Variants in REV1 observed in about 807,000 individuals in gnomAD.
REV1 encodes REV1 DNA directed polymerase, also known as translesion synthesis protein REV1.
A neutral mutation model predicts 137.4 loss-of-function variants in REV1; 42 were observed. The ratio of observed to expected loss-of-function variants is 0.31; its 90% confidence interval spans 0.24 to 0.40. The LOEUF is 0.40. Among genes scored for constraint, REV1 ranks in the 10% least tolerant of loss-of-function variants. The pLI is 1.00. For synonymous variants in REV1, 524 were observed against 519.2 expected (o/e 1.01, Z -0.12); for missense variants, 1,282 against 1,490.1 (o/e 0.86, Z 2.30).
intron 13 of REV1, 113 bp from the exon 14 acceptor site, chr2:99,410,980 C>T (rs776071694): frequency 3.0e-6 from 3 of 994,320 alleles, no homozygotes; most frequent in South Asian, 1.9e-5. Flanking sequence ...CACTATCACG[C>T]TCAGCATCTA....
chr2:99,403,361 G>T lies in REV1; in HGVS notation c.3167-255C>A, dbSNP rs28382970. The T allele has an allele frequency of 8.9e-5, 50 of 558,878 alleles. No individual in the cohort carries two copies. The East Asian group carries it at 1.5e-3, about 16-fold the overall frequency. The allele number at this position is 558,878 out of a possible 1,614,324, so 34.6% of individuals were successfully genotyped here. A position where few individuals can be genotyped will look rare whatever the true frequency, so the allele number is the denominator to read the frequency against. On this transcript the variant is annotated intron_variant, in intron 19 of 22. Transcript: ENST00000258428. ...GATGGGTAGTACTAAATGTGGGTTT[G>T]ATGTTTGTGATGCATTTTGAACCAA...
At chr2:99,429,765 T>A in intron 9 of REV1, 75 bp downstream of exon 9, 1 of 787,176 alleles carries the variant, frequency 1.3e-6, no homozygotes, top group Non-Finnish European at 1.8e-6. Context: ...TTCAAAAGAT[T>A]ATAGTTCAAG....
At chr2:99,483,927 C>T (rs1327663898) in intron 1 of REV1, among the ~76,000 whole-genome samples, 1 of 152,036 alleles carries the variant, frequency 6.6e-6, no homozygotes, top group East Asian at 1.9e-4. Context: ...TCTTCCTACC[C>T]CTGACATTCT....
At chr2:99,407,080 CTTTTTTTTTTTTTTTTT>C (rs869170472) in intron 15 of REV1, among the ~76,000 whole-genome samples, 2 of 60,026 alleles carry the variant, frequency 3.3e-5, no homozygotes, top group African/African-American at 6.4e-5. Context: ...TACAAAGGTT[CTTTTTTTTTTTTTTTTT>C]TTTTTTTTTT....
chr2:99,431,617 T>C, intron 8 of REV1: 1 of 556,050 alleles, frequency 1.8e-6, no homozygotes, highest in Non-Finnish European at 2.3e-6. Context: ...TTATCTAAGA[T>C]ATTGTCTTGA....
chr2:99,477,093 C>G (rs1382782582), intron 1 of REV1, among the ~76,000 whole-genome samples: 1 of 151,800 alleles, frequency 6.6e-6, no homozygotes, highest in Admixed American at 6.6e-5. Context: ...CCCAACTCCA[C>G]GATGGCAAAA....
rs1687267582 is a variant in REV1 at position 99,487,460 on chromosome 2, T to C, written c.-11+2357A>G. Among the ~76,000 whole-genome samples the C allele has an allele frequency of 1.7e-5, 2 of 118,506 alleles. 1 individual carries two copies. Among genetic ancestry groups the C allele is most frequent in the Non-Finnish European group, 3.7e-5 (2 of 54,424 alleles). The allele number at this position is 118,506 out of a possible 152,430, so 77.7% of individuals were successfully genotyped here. On this transcript the variant is annotated intron_variant, in intron 1 of 22. Transcript: ENST00000258428. ...ACTCCAACCAAGAGATAATGGAACTTAGACTAGGATTCATGTACTGTTTAT... is the reference window on the plus strand; with the variant it reads ...ACTCCAACCAAGAGATAATGGAACTCAGACTAGGATTCATGTACTGTTTAT...
intron 1 of REV1, among the ~76,000 whole-genome samples, chr2:99,468,107 G>A (rs1366604477): frequency 2.0e-5 from 3 of 152,000 alleles, no homozygotes; most frequent in South Asian, 2.1e-4. Flanking sequence ...TTGAACCCGG[G>A]AGGCGGAGGT....
intron 5 of REV1, among the ~76,000 whole-genome samples, chr2:99,439,875 C>T (rs532853191): frequency 2.0e-5 from 3 of 152,280 alleles, no homozygotes; most frequent in African/African-American, 7.2e-5. Flanking sequence ...CTATTCAACA[C>T]ATTAAATCTA....
chr2:99,447,176 T>A (rs1289325335), intron 4 of REV1, among the ~76,000 whole-genome samples: 4 of 151,878 alleles, frequency 2.6e-5, no homozygotes, highest in African/African-American at 4.8e-5. Context: ...TTTTTTTTTT[T>A]AGACAGAGTC....
chr2:99,469,156 G>C (rs1575208141), intron 1 of REV1, among the ~76,000 whole-genome samples: 1 of 152,284 alleles, frequency 6.6e-6, no homozygotes, highest in South Asian at 2.1e-4. Context: ...GGTAAAAACA[G>C]CAAGCAAGCA....
At chr2:99,487,638 T>TAAA (rs566094023) in intron 1 of REV1, among the ~76,000 whole-genome samples, 2 of 117,356 alleles carry the variant, frequency 1.7e-5, no homozygotes, top group Admixed American at 1.1e-4. Context: ...GCTATTATAG[T>TAAA]AAAAAAAAAC....
At chr2:99,463,096 A>G (rs867442365) in intron 2 of REV1, among the ~76,000 whole-genome samples, 2 of 152,080 alleles carry the variant, frequency 1.3e-5, no homozygotes, top group Non-Finnish European at 2.9e-5. Context: ...TCAAAAAAAA[A>G]TTATAATAAA....
chr2:99,435,623 A>C (rs1249007293), intron 7 of REV1: 2 of 363,296 alleles, frequency 5.5e-6, no homozygotes, highest in Non-Finnish European at 9.8e-6. Flanking sequence ...CCTTCAGCTG[A>C]AGATGAATAT....
chr2:99,454,805 A>C (rs1225527910), intron 3 of REV1, among the ~76,000 whole-genome samples: 1 of 152,188 alleles, frequency 6.6e-6, no homozygotes, highest in Non-Finnish European at 1.5e-5. Context: ...AACATTCTAT[A>C]TGCAACTAAA....
intron 19 of REV1, 66 bp downstream of exon 19, chr2:99,403,629 A>G: frequency 1.2e-6 from 2 of 1,609,528 alleles, no homozygotes; most frequent in Non-Finnish European, 1.7e-6. Context: ...TACTGCAATA[A>G]TTAGACAACA....
chr2:99,408,246 A>G, intron 14 of REV1, 115 bp from the exon 15 acceptor site: 1 of 507,068 alleles, frequency 2.0e-6, no homozygotes, highest in Non-Finnish European at 3.3e-6. Flanking sequence ...GTTACAAAGA[A>G]GATTATAAAA....
chr2:99,447,692 C>T (rs921662506), intron 4 of REV1, among the ~76,000 whole-genome samples: 1 of 151,930 alleles, frequency 6.6e-6, no homozygotes, highest in Non-Finnish European at 1.5e-5. Flanking sequence ...AATGAGGAAA[C>T]AAGGTCCTGA....
chr2:99,473,727 T>C (rs1451034599), intron 1 of REV1, among the ~76,000 whole-genome samples: 4 of 152,236 alleles, frequency 2.6e-5, no homozygotes, highest in Non-Finnish European at 4.4e-5. Flanking sequence ...CCAGATGAGA[T>C]ACTATCTTGA....
Sources: allele counts gnomAD v4.1 joint callset (sites outside exome capture counted in the v4.1 genomes callset), GRCh38; gene constraint gnomAD v4.1.1; transcripts MANE v1.5; gene names NCBI Gene and HGNC (gene_info 2026-07-23, HGNC 2026-07-21).